Variants in DGKB observed in about 807,000 individuals in gnomAD.
The protein encoded by DGKB is diacylglycerol kinase beta.
DGKB carries 67 observed loss-of-function variants against 114.3 expected under a neutral mutation model. The ratio of observed to expected loss-of-function variants is 0.59; its 90% CI spans 0.48 to 0.72. The LOEUF (loss-of-function observed/expected upper bound fraction) is 0.72. Ranked by LOEUF, DGKB falls within the 30% of genes least tolerant of loss-of-function variation. The pLI is 0.00. For missense variants in DGKB, 907 were observed against 975.2 expected (o/e 0.93, Z 0.93); for synonymous variants, 398 against 323.1 (o/e 1.23, Z -2.49).
intron 23 of DGKB, among the ~76,000 whole-genome samples, chr7:14,331,483 T>C (rs961765953): frequency 2.6e-5 from 4 of 152,084 alleles, no homozygotes; most frequent in African/African-American, 9.7e-5. Flanking sequence ...CTTTCTAAAT[T>C]ACCCTAAATA....
chr7:14,954,606 G>A (rs75237332), intron 1 of DGKB, among the ~76,000 whole-genome samples: 54 of 151,878 alleles, frequency 3.6e-4, no homozygotes, highest in Non-Finnish European at 6.5e-4. Context: ...TGATTTTTTT[G>A]GGGGGAGGGG....
In DGKB at chr7:14,581,789, A is replaced by G. The variant is rs888625768; in HGVS notation, c.1520-838T>C. 5.3e-5 allele frequency among the ~76,000 whole-genome samples: 8 copies of G among 152,294 alleles called. No homozygotes were observed. In the South Asian group the frequency reaches 1.7e-3, roughly 32 times the overall value. On this transcript the variant is annotated intron_variant, in intron 18 of 25. Coordinates refer to ENST00000402815, the MANE Select transcript of DGKB (RefSeq NM_001350709.2). Reference sequence around the variant, plus strand: ...CAATAAGATTTTTGAGGGCTAAAACAAGCTAAGAATTCCTGCTGTTTTTCC... The same window carrying G: ...CAATAAGATTTTTGAGGGCTAAAACGAGCTAAGAATTCCTGCTGTTTTTCC...
At chr7:14,691,007 T>G (rs998879556) in intron 9 of DGKB, among the ~76,000 whole-genome samples, 5 of 152,190 alleles carry the variant, frequency 3.3e-5, no homozygotes. Context: ...GAGCCTCTTG[T>G]AAGAGAAAAG....
chr7:14,355,334 G>T (rs1419985769), intron 21 of DGKB, among the ~76,000 whole-genome samples: 1 of 152,196 alleles, frequency 6.6e-6, no homozygotes, highest in Non-Finnish European at 1.5e-5. Context: ...AGTGGTGAGA[G>T]AAGGCATCCC....
intron 22 of DGKB, among the ~76,000 whole-genome samples, chr7:14,339,887 T>C (rs548573279): frequency 6.6e-6 from 1 of 151,898 alleles, no homozygotes; most frequent in Non-Finnish European, 1.5e-5. Context: ...TCATTTCTCA[T>C]GGCAGTCATG....
intron 15 of DGKB, among the ~76,000 whole-genome samples, chr7:14,615,531 A>G (rs1257691303): frequency 6.6e-6 from 1 of 151,872 alleles, no homozygotes; most frequent in African/African-American, 2.4e-5. Flanking sequence ...AATAAAATAC[A>G]AAATCTTGAT....
chr7:14,636,535 C>T (rs1008382205), intron 13 of DGKB, among the ~76,000 whole-genome samples: 3 of 151,816 alleles, frequency 2.0e-5, no homozygotes, highest in African/African-American at 7.2e-5. Flanking sequence ...ATGTTATATA[C>T]ATCCAGTGTA....
intron 1 of DGKB, among the ~76,000 whole-genome samples, chr7:14,878,553 G>T (rs1853666318): frequency 6.6e-6 from 1 of 152,150 alleles, no homozygotes; most frequent in African/African-American, 2.4e-5. Flanking sequence ...AGACCATCCT[G>T]GCTAACATGG....
chr7:14,748,503 C>T (rs1833683853), intron 4 of DGKB, among the ~76,000 whole-genome samples: 1 of 152,022 alleles, frequency 6.6e-6, no homozygotes, highest in East Asian at 1.9e-4. Context: ...TAATGATGCC[C>T]CTGTGCTAGA....
Position 14,778,574 on chromosome 7 carries a change from G to C in DGKB, c.71-20843C>G, listed in dbSNP as rs141923918. On this transcript the variant is annotated intron_variant, in intron 2 of 25. Transcript: ENST00000402815. ...GATGGAATCATTCTTCCAGTTGCTT[G>C]ATTTTTTAGAAGGTAAAGAGAAACT... Among the ~76,000 whole-genome samples, 300 of 152,192 alleles carry C rather than the reference G, an allele frequency of 2.0e-3. 2 individuals carry two copies. Among genetic ancestry groups the C allele is most frequent in the Middle Eastern group, 0.014 (4 of 294 alleles).
intron 13 of DGKB, among the ~76,000 whole-genome samples, chr7:14,642,955 T>C (rs1328761879): frequency 1.3e-5 from 2 of 152,214 alleles, no homozygotes; most frequent in Admixed American, 6.5e-5. Flanking sequence ...TGCTCATGTA[T>C]GGCTATATGT....
At chr7:14,330,194 G>A (rs1290894867) in intron 23 of DGKB, among the ~76,000 whole-genome samples, 1 of 151,958 alleles carries the variant, frequency 6.6e-6, no homozygotes, top group African/African-American at 2.4e-5. Flanking sequence ...AACAATCTGA[G>A]CCTTAATTAA....
At position 14,886,792 on chromosome 7, in the gene DGKB, C is replaced by T. The variant is rs146753635; in HGVS notation, c.-188+15800G>A. On this transcript the variant is annotated intron_variant, in intron 1 of 25. Transcript: ENST00000402815. ...CCCATCGAAACATAAATTATGCTGT[C>T]CACATATCCTCACCTCCCTTAAATC... is the stretch of plus-strand genomic sequence containing the variant. Among the ~76,000 whole-genome samples the T allele has an allele frequency of 7.0e-4, 106 of 151,864 alleles. 1 individual carries two copies. In the East Asian group the frequency reaches 0.019, roughly 28 times the overall value.
At chr7:14,208,253 A>C (rs1787154120) in intron 23 of DGKB, among the ~76,000 whole-genome samples, 1 of 152,052 alleles carries the variant, frequency 6.6e-6, no homozygotes, top group South Asian at 2.1e-4. Flanking sequence ...AATTAAAATA[A>C]AACATTTACT....
chr7:14,587,916 T>G (rs911074829), intron 17 of DGKB, among the ~76,000 whole-genome samples: 1 of 152,200 alleles, frequency 6.6e-6, no homozygotes, highest in African/African-American at 2.4e-5. Context: ...TGTGATTCAC[T>G]TTATTGTGAT....
chr7:14,291,314 T>C (rs111829618), intron 23 of DGKB, among the ~76,000 whole-genome samples: 4 of 152,122 alleles, frequency 2.6e-5, no homozygotes, highest in African/African-American at 9.7e-5. Flanking sequence ...GCAGATGCTA[T>C]TCAAAGTTAA....
intron 21 of DGKB, among the ~76,000 whole-genome samples, chr7:14,474,056 G>T (rs1442795654): frequency 6.6e-6 from 1 of 152,280 alleles, no homozygotes; most frequent in African/African-American, 2.4e-5. Context: ...AGGCATGATT[G>T]GTTTTGAAAT....
chr7:14,771,999 A>C (rs1041512584), intron 2 of DGKB, among the ~76,000 whole-genome samples: 1 of 151,964 alleles, frequency 6.6e-6, no homozygotes, highest in Admixed American at 6.6e-5. Flanking sequence ...CTCCAGATAA[A>C]CTCAACCAAT....
At chr7:14,675,227 G>A (rs1312047685) in intron 12 of DGKB, among the ~76,000 whole-genome samples, 2 of 152,024 alleles carry the variant, frequency 1.3e-5, no homozygotes, top group East Asian at 1.9e-4. Context: ...AAGGCCACAG[G>A]GGCAGGACAT....
Sources: allele counts gnomAD v4.1 joint callset (sites outside exome capture counted in the v4.1 genomes callset), GRCh38; gene constraint gnomAD v4.1.1; transcripts MANE v1.5; gene names NCBI Gene and HGNC (gene_info 2026-07-23, HGNC 2026-07-21).